PARD3: variants seen among roughly 807,000 people sequenced by gnomAD.
The protein encoded by PARD3 is partitioning defective 3 homolog.
A neutral mutation model predicts 155.4 loss-of-function variants in PARD3; 75 were observed. The ratio of observed to expected loss-of-function variants is 0.48; its 90% CI spans 0.40 to 0.58. The LOEUF (loss-of-function observed/expected upper bound fraction) is 0.58. Among genes scored for constraint, PARD3 ranks in the 20% least tolerant of loss-of-function variants. The pLI is 0.00. For synonymous variants in PARD3, 576 were observed against 610.5 expected (o/e 0.94, Z 0.83); for missense variants, 1,642 against 1,721.7 (o/e 0.95, Z 0.82).
intron 14 of PARD3, among the ~76,000 whole-genome samples, chr10:34,354,096 T>C (rs1463728259): frequency 1.3e-5 from 2 of 150,274 alleles, no homozygotes; most frequent in East Asian, 3.9e-4. Flanking sequence ...CTCTGGAATT[T>C]CAGTTTCTAA....
At chr10:34,471,331 G>A (rs1166552629) in intron 3 of PARD3, among the ~76,000 whole-genome samples, 5 of 152,092 alleles carry the variant, frequency 3.3e-5, no homozygotes, top group African/African-American at 9.7e-5. Context: ...AGAACAGCCT[G>A]GCAAATAGGA....
At chr10:34,445,591 T>C (rs1386161407) in intron 5 of PARD3, among the ~76,000 whole-genome samples, 1 of 152,206 alleles carries the variant, frequency 6.6e-6, no homozygotes, top group Non-Finnish European at 1.5e-5. Flanking sequence ...TTGGTGTGTG[T>C]GGCTTCTCAA....
intron 22 of PARD3, among the ~76,000 whole-genome samples, chr10:34,146,241 GCTTAAATGT>G (rs963295173): frequency 6.2e-4 from 95 of 152,116 alleles, no homozygotes; most frequent in African/African-American, 2.3e-3. Flanking sequence ...TTTTCAAATA[GCTTAAATGT>G]CTTTTCAAGA....
At chr10:34,128,322 CA>C (rs988879199) in intron 23 of PARD3, among the ~76,000 whole-genome samples, 1 of 152,156 alleles carries the variant, frequency 6.6e-6, no homozygotes, top group Non-Finnish European at 1.5e-5. Context: ...AATCTGAAGA[CA>C]ATGGAGAAGA....
chr10:34,656,201 T>C (rs2093162329), intron 2 of PARD3, among the ~76,000 whole-genome samples: 1 of 152,184 alleles, frequency 6.6e-6, no homozygotes, highest in Admixed American at 6.5e-5. Context: ...TTAATGGGCT[T>C]CTCTTAGCTT....
At chr10:34,306,724 T>C (rs998720394) in intron 20 of PARD3, among the ~76,000 whole-genome samples, 2 of 152,168 alleles carry the variant, frequency 1.3e-5, no homozygotes, top group African/African-American at 4.8e-5. Flanking sequence ...TTGGGGACTG[T>C]GTGTGCAGTC....
At chr10:34,667,279 G>A (rs1314140468) in intron 2 of PARD3, among the ~76,000 whole-genome samples, 2 of 152,186 alleles carry the variant, frequency 1.3e-5, no homozygotes, top group Non-Finnish European at 2.9e-5. Flanking sequence ...TAGTAGGAGT[G>A]ATCTTTCTGC....
At chr10:34,740,249 G>C (rs746306213) in intron 1 of PARD3, among the ~76,000 whole-genome samples, 2 of 152,214 alleles carry the variant, frequency 1.3e-5, no homozygotes, top group Non-Finnish European at 2.9e-5. Context: ...TGCTGGGAGA[G>C]CCCCCTGGGA....
chr10:34,118,549 T>C (rs567206977), intron 24 of PARD3, among the ~76,000 whole-genome samples: 2 of 152,232 alleles, frequency 1.3e-5, no homozygotes, highest in Non-Finnish European at 2.9e-5. Context: ...TTTTGCCATG[T>C]TGCCCAGGCT....
chr10:34,642,410 C>T (rs2132957769), intron 2 of PARD3, among the ~76,000 whole-genome samples: 3 of 147,282 alleles, frequency 2.0e-5, no homozygotes, highest in South Asian at 2.2e-4. Flanking sequence ...GGCCCTGCCT[C>T]TCACGGCCTT....
Position 34,738,574 on chromosome 10 carries a change from T to C in PARD3, c.121-42155A>G, listed in dbSNP as rs192930616. On this transcript the variant is annotated intron_variant, in intron 1 of 24. Coordinates refer to ENST00000374788, the MANE Select transcript of PARD3 (RefSeq NM_001184785.2). ...GAAAAGCCAACATACGGAGACCCCA[T>C]CTCTACACATAATTTAAAAATTAAC... is the stretch of plus-strand genomic sequence containing the variant. Among the ~76,000 whole-genome samples the C allele has an allele frequency of 3.1e-4, 46 of 150,130 alleles. No homozygotes were observed. The East Asian group carries it at 7.4e-3, about 24-fold the overall frequency.
chr10:34,795,084 T>C (rs2134276493), intron 1 of PARD3, among the ~76,000 whole-genome samples: 1 of 152,346 alleles, frequency 6.6e-6, no homozygotes, highest in South Asian at 2.1e-4. Flanking sequence ...TGACAGCTGC[T>C]TCTTCCTGAC....
At chr10:34,294,813 T>C (rs1015871158) in intron 20 of PARD3, among the ~76,000 whole-genome samples, 1 of 152,168 alleles carries the variant, frequency 6.6e-6, no homozygotes, top group African/African-American at 2.4e-5. Flanking sequence ...GCCATCTACC[T>C]GTGTCACAAT....
intron 1 of PARD3, 26 bp downstream of exon 1, chr10:34,814,849 TC>T: frequency 1.6e-6 from 1 of 627,898 alleles, no homozygotes. Flanking sequence ...CGCCGCCCCC[TC>T]CCCGCCCGCG....
At chr10:34,167,166 AC>A (rs1251298094) in intron 22 of PARD3, among the ~76,000 whole-genome samples, 2 of 152,200 alleles carry the variant, frequency 1.3e-5, no homozygotes, top group Admixed American at 1.3e-4. Context: ...TCTCCCACTT[AC>A]CCACAATGAC....
At chr10:34,581,470 G>C (rs2087479512) in intron 2 of PARD3, among the ~76,000 whole-genome samples, 5 of 151,708 alleles carry the variant, frequency 3.3e-5, no homozygotes, top group Admixed American at 2.6e-4. Context: ...TCCTGACCTC[G>C]TGATCTACCC....
intron 3 of PARD3, among the ~76,000 whole-genome samples, chr10:34,509,876 GCA>G (rs1251458391): frequency 2.0e-5 from 3 of 152,084 alleles, no homozygotes; most frequent in Non-Finnish European, 4.4e-5. Context: ...GGATGACAAA[GCA>G]CAGTTTAATA....
chr10:34,206,883 C>T (rs1467305038), intron 22 of PARD3, among the ~76,000 whole-genome samples: 1 of 152,086 alleles, frequency 6.6e-6, no homozygotes, highest in Non-Finnish European at 1.5e-5. Context: ...AGTAAAGTCT[C>T]ACCTCCTACC....
chr10:34,157,933 T>C (rs758856411), intron 22 of PARD3, among the ~76,000 whole-genome samples: 1 of 152,246 alleles, frequency 6.6e-6, no homozygotes, highest in Non-Finnish European at 1.5e-5. Context: ...AAAAGCGCTA[T>C]ATTTCATGTA....
Sources: gnomAD v4.1 joint callset for allele counts (sites outside exome capture counted in the v4.1 genomes callset) on GRCh38, gnomAD v4.1.1 for gene constraint, MANE v1.5 for transcripts, NCBI Gene and HGNC (gene_info 2026-07-23, HGNC 2026-07-21) for gene names.